The following MLYCD variants were observed in gnomAD, a reference collection of about 807,000 sequenced individuals.
The protein encoded by MLYCD is malonyl-CoA decarboxylase, mitochondrial.
In MLYCD, 27 loss-of-function variants were observed where a neutral mutation model predicts 35.8. The observed-to-expected ratio is 0.75, with a 90% confidence interval of 0.56 to 1.04. MLYCD has a LOEUF of 1.04. MLYCD is among the 50% of genes least tolerant of loss of function. The pLI is 0.00. For missense variants in MLYCD, 917 were observed against 665.1 expected (o/e 1.38, Z -4.17); for synonymous variants, 403 against 302.4 (o/e 1.33, Z -3.45).
In MLYCD at chr16:83,916,175, G is replaced by T; in HGVS notation, c.*686G>T. 1.0e-6 allele frequency: 1 copy of T among 989,932 alleles called. No homozygotes were observed. The highest frequency in any genetic ancestry group is 1.2e-6 in the Non-Finnish European group (1 of 831,676). The allele number at this position is 989,932 out of a possible 1,614,324, so 61.3% of individuals were successfully genotyped here. ...GTAAAGAACACGTTTGTTCTGTAAAGCATTGAACATCTGATTGTGTAGTGG... is the reference window on the plus strand; with the variant it reads ...GTAAAGAACACGTTTGTTCTGTAAATCATTGAACATCTGATTGTGTAGTGG... On this transcript the variant is annotated 3_prime_UTR_variant, in exon 5 of 5. Coordinates refer to ENST00000262430, the MANE Select transcript of MLYCD (RefSeq NM_012213.3).
rs1907456425 is a variant in MLYCD, at chr16:83,917,364, T to C, written c.*1875T>C. ...ACGAGCGTCTCTGGATCAGTGCACG[T>C]CTGTGCATGTGCACACGTGCATGTG... On this transcript the variant is annotated 3_prime_UTR_variant, in exon 5 of 5. Coordinates refer to ENST00000262430, the MANE Select transcript of MLYCD (RefSeq NM_012213.3). The C allele has an allele frequency of 6.5e-6, 1 of 154,590 alleles. No homozygotes were observed. Among genetic ancestry groups the C allele is most frequent in the African/African-American group, 2.4e-5 (1 of 41,540 alleles). The allele number at this position is 154,590 out of a possible 1,614,324, so 9.6% of individuals were successfully genotyped here. A position where few individuals can be genotyped will look rare whatever the true frequency, so the allele number is the denominator to read the frequency against.
rs1057429820 is a variant in MLYCD at position 83,916,128 on chromosome 16, C to T, written c.*639C>T. ...AATAGGCTTTAAATGATCAGGGATTCAGGTTCATAATGAACTTCACAGTAA... is the reference window on the plus strand; with the variant it reads ...AATAGGCTTTAAATGATCAGGGATTTAGGTTCATAATGAACTTCACAGTAA... On this transcript the variant is annotated 3_prime_UTR_variant, in exon 5 of 5. Transcript: ENST00000262430. 1.2e-5 allele frequency: 12 copies of T among 993,010 alleles called. No individual in the cohort carries two copies. The East Asian group carries it at 7.6e-4, about 63-fold the overall frequency. The allele number at this position is 993,010 out of a possible 1,614,324, so 61.5% of individuals were successfully genotyped here. A position where few individuals can be genotyped will look rare whatever the true frequency, so the allele number is the denominator to read the frequency against.
intron 2 of MLYCD, 77 bp downstream of exon 2, chr16:83,907,176 G>A (rs1907009611): frequency 1.6e-6 from 2 of 1,249,634 alleles, no homozygotes; most frequent in Non-Finnish European, 1.2e-6. Context: ...TTGGCTAAAA[G>A]CTAATCTATC....
chr16:83,913,707 G>C (rs968789201), intron 4 of MLYCD: 2 of 151,706 alleles, frequency 1.3e-5, no homozygotes, highest in African/African-American at 2.4e-5. Flanking sequence ...CCAGCTACTC[G>C]GGAGGCCGAG....
intron 3 of MLYCD, among the ~76,000 whole-genome samples, chr16:83,910,690 C>G (rs80024133): frequency 3.2e-5 from 3 of 93,462 alleles, no homozygotes; most frequent in Non-Finnish European, 5.0e-5. Context: ...GACTCCATCT[C>G]AAAAAAAAAA....
chr16:83,914,928 T>C (rs745336854), intron 4 of MLYCD, 28 bp from the exon 5 acceptor site: 3 of 1,614,174 alleles, frequency 1.9e-6, no homozygotes, highest in Non-Finnish European at 2.5e-6. Context: ...TTCTCCGCCT[T>C]CCTTTCCACC....
Position 83,911,944 on chromosome 16 carries a change from G to A in MLYCD, c.799-274G>A, listed in dbSNP as rs1188541265. 3.9e-5 allele frequency: 18 copies of A among 466,464 alleles called. No homozygotes were observed. In the East Asian group the frequency reaches 7.8e-4, roughly 20 times the overall value. The allele number at this position is 466,464 out of a possible 1,614,324, so 28.9% of individuals were successfully genotyped here. On this transcript the variant is annotated intron_variant, in intron 3 of 4. Coordinates refer to ENST00000262430, the MANE Select transcript of MLYCD (RefSeq NM_012213.3). ...CAAAGGCCTAAAAGAGACAGAAAGG[G>A]GCATACATTGCTCTTCAACAAAGTT...
chr16:83,907,398 A>G (rs970289162), intron 2 of MLYCD, among the ~76,000 whole-genome samples: 8 of 152,070 alleles, frequency 5.3e-5, no homozygotes, highest in African/African-American at 1.9e-4. Context: ...TCGTCCCAAG[A>G]CCCCGTGATC....
rs72791543 is a variant in MLYCD, at chr16:83,925,442, T to C, written c.*9953T>C. 0.23 allele frequency: 35,658 copies of C among 152,358 alleles called. 4,716 individuals carry two copies. The highest frequency in any genetic ancestry group is 0.36 in the African/African-American group (15,057 of 41,498). The allele number at this position is 152,358 out of a possible 1,614,324, so 9.4% of individuals were successfully genotyped here. A position where few individuals can be genotyped will look rare whatever the true frequency, so the allele number is the denominator to read the frequency against. The stretch of plus-strand genomic sequence containing the variant: ...CAGGTTACAAAGTCTCCTTCCTGAT[T>C]ATGTGCATTAACTAACCTCGCAGGT... On this transcript the variant is annotated 3_prime_UTR_variant, in exon 5 of 5. Coordinates refer to ENST00000262430, the MANE Select transcript of MLYCD (RefSeq NM_012213.3).
In MLYCD at chr16:83,921,877, C is replaced by G. The variant is rs1259864750; in HGVS notation, c.*6388C>G. On this transcript the variant is annotated 3_prime_UTR_variant, in exon 5 of 5. Transcript: ENST00000262430. The stretch of plus-strand genomic sequence containing the variant: ...AGGGTGATAGGCTACTCACTGGGTC[C>G]TAGTGTTCTGAACTACACCCTACAG... 6.6e-6 allele frequency: 1 copy of G among 152,274 alleles called. No homozygotes were observed. Among genetic ancestry groups the G allele is most frequent in the Non-Finnish European group, 1.5e-5 (1 of 68,122 alleles). The allele number at this position is 152,274 out of a possible 1,614,324, so 9.4% of individuals were successfully genotyped here.
intron 1 of MLYCD, among the ~76,000 whole-genome samples, chr16:83,904,459 T>G (rs1190501271): frequency 1.3e-5 from 2 of 152,216 alleles, no homozygotes; most frequent in Non-Finnish European, 2.9e-5. Flanking sequence ...GAAAGTACAG[T>G]TTTACAAAGG....
At chr16:83,899,708 C>G in intron 1 of MLYCD, 36 bp downstream of exon 1, 2 of 1,485,174 alleles carry the variant, frequency 1.3e-6, no homozygotes, top group Non-Finnish European at 1.8e-6. Context: ...GCAGCGCGGA[C>G]TGGCCGCCCT....
At chr16:83,913,223 C>T (rs1247802563) in intron 4 of MLYCD, 2 of 152,198 alleles carry the variant, frequency 1.3e-5, no homozygotes, top group South Asian at 2.1e-4. Context: ...TTCAGCTGGG[C>T]GTGGGCTTCA....
In MLYCD at chr16:83,908,145, G is replaced by T. The variant is rs747611508; in HGVS notation, c.661G>T (p.Val221Leu). The T allele has an allele frequency of 6.2e-7, 1 of 1,614,228 alleles. No individual in the cohort carries two copies. The highest frequency in any genetic ancestry group is 1.1e-5 in the South Asian group (1 of 91,090). ...KISEAEAVHPVKNWMDMKRRV... is the reference protein window; with the variant it reads ...KISEAEAVHPLKNWMDMKRRV... ...CCCCAGGGCTGAGGCTGTGCATCCT[G>T]TAAAAAACTGGATGGACATGAAGCG... Residue 221 changes from valine to leucine, a missense_variant, in exon 3 of 5, where the codon GTA becomes TTA. Physicochemically the swap from Val to Leu is conservative, Grantham distance 32. Coordinates refer to ENST00000262430, the MANE Select transcript of MLYCD (RefSeq NM_012213.3).
At position 83,899,465 on chromosome 16, in the gene MLYCD, C is replaced by T; in HGVS notation, c.321C>T (p.Ala107=). Residue 107 remains alanine (A), a synonymous_variant, in exon 1 of 5, where the codon GCC becomes GCT. Transcript: ENST00000262430. The part of the protein sequence containing the change: ...VDHGQVAEQS[A]GVLHLRQQQR... The stretch of plus-strand genomic sequence containing the variant: ...ACGGCCAGGTGGCGGAGCAGAGCGC[C>T]GGCGTGCTCCATCTGCGCCAGCAGC... The T allele has an allele frequency of 4.5e-6, 7 of 1,539,434 alleles. No homozygotes were observed. Among genetic ancestry groups the T allele is most frequent in the Non-Finnish European group, 6.1e-6 (7 of 1,153,520 alleles).
chr16:83,913,817 A>C (rs1444740783), intron 4 of MLYCD: 2 of 151,852 alleles, frequency 1.3e-5, no homozygotes, highest in African/African-American at 4.8e-5. Context: ...AAAAAAAAAA[A>C]AAAAACAGTG....
At position 83,921,786 on chromosome 16, in the gene MLYCD, A is replaced by G. The variant is rs1312629266; in HGVS notation, c.*6297A>G. On this transcript the variant is annotated 3_prime_UTR_variant, in exon 5 of 5. Coordinates refer to ENST00000262430, the MANE Select transcript of MLYCD (RefSeq NM_012213.3). ...CTGACCACCCATTCTTACACATGTC[A>G]TCTTTCCCACAGTGGCAGTGCAGAG... 7.1e-6 allele frequency: 1 copy of G among 140,910 alleles called. No homozygotes were observed. Among genetic ancestry groups the G allele is most frequent in the Non-Finnish European group, 1.6e-5 (1 of 62,630 alleles). 8.7% of individuals were successfully genotyped at this position (140,910 alleles called of 1,614,324 possible). A position where few individuals can be genotyped will look rare whatever the true frequency, so the allele number is the denominator to read the frequency against.
At position 83,908,226 on chromosome 16, in the gene MLYCD, G is replaced by GAGCC. The variant is rs1413588854; in HGVS notation, c.743_746dup (p.Leu250AlafsTer12). 6.2e-7 allele frequency: 1 copy of GAGCC among 1,614,100 alleles called. No individual in the cohort carries two copies. Among genetic ancestry groups the GAGCC allele is most frequent in the Non-Finnish European group, 8.5e-7 (1 of 1,180,054 alleles). ...CTTTTCTCACTGTTCGACCCCTGGG[G>GAGCC]AGCCCCTGGTCGTTTTGCACGTGGC... On this transcript the variant is annotated frameshift_variant, in exon 3 of 5. Transcript: ENST00000262430. LOFTEE classifies it high-confidence loss of function.
intron 4 of MLYCD, chr16:83,914,695 C>T: frequency 2.0e-6 from 1 of 494,460 alleles, no homozygotes; most frequent in African/African-American, 1.9e-5. Context: ...AGGAGGATGG[C>T]TTGGACCCAG....
Sources: gnomAD v4.1 joint callset for allele counts (sites outside exome capture counted in the v4.1 genomes callset) on GRCh38, gnomAD v4.1.1 for gene constraint, MANE v1.5 for transcripts, NCBI Gene and HGNC (gene_info 2026-07-23, HGNC 2026-07-21) for gene names.